Variants in UNC13C observed in about 807,000 individuals in gnomAD.
The protein encoded by UNC13C is protein unc-13 homolog C.
In UNC13C, 174 loss-of-function variants were observed where a neutral mutation model predicts 245.4. The observed-to-expected ratio is 0.71, with a 90% CI of 0.63 to 0.80. The LOEUF (loss-of-function observed/expected upper bound fraction) is 0.80. UNC13C is among the 30% of genes least tolerant of loss of function. The probability of loss-of-function intolerance (pLI) is 0.00; values close to 1 mark genes in which losing one functional copy is unlikely to be tolerated. For missense variants in UNC13C, 2,829 were observed against 2,602.9 expected, an observed-to-expected ratio of 1.09 and a Z score of -1.89; for synonymous variants, 992 against 895.1, an observed-to-expected ratio of 1.11 and a Z score of -1.93.
chr15:54,334,535 T>A (rs1019477785), intron 16 of UNC13C, among the ~76,000 whole-genome samples: 4 of 151,970 alleles, frequency 2.6e-5, no homozygotes, highest in Admixed American at 2.6e-4. Flanking sequence ...ATAGCAACAA[T>A]TTTTTTCTTT....
In UNC13C at chr15:54,239,783, G is replaced by A. The variant is rs750365208; in HGVS notation, c.3228+2093G>A. 2.0e-4 allele frequency among the ~76,000 whole-genome samples: 30 copies of A among 152,142 alleles called. 1 individual carries two copies. Among genetic ancestry groups the A allele is most frequent in the Admixed American group, 1.2e-3 (18 of 15,266 alleles). The stretch of plus-strand genomic sequence containing the variant: ...TATTCTTATCTGTTAGATTTATGAT[G>A]CCATGTAATATTTTGAGTATAGTTT... On this transcript the variant is annotated intron_variant, in intron 7 of 32. Transcript: ENST00000260323.
At chr15:53,930,909 A>T in the UNC13C span, among the ~76,000 whole-genome samples, 1 of 152,190 alleles carries the variant, frequency 6.6e-6, no homozygotes, top group Non-Finnish European at 1.5e-5. Context: ...TTACACTCAA[A>T]TGAAGTTATT....
chr15:53,920,341 G>A, the UNC13C span, among the ~76,000 whole-genome samples: 1 of 152,188 alleles, frequency 6.6e-6, no homozygotes, highest in African/African-American at 2.4e-5. Flanking sequence ...TGGGAGGCTG[G>A]TCAGGAGTTC....
At chr15:54,056,799 C>T (rs1303327016) in intron 2 of UNC13C, among the ~76,000 whole-genome samples, 1 of 152,094 alleles carries the variant, frequency 6.6e-6, no homozygotes, top group Non-Finnish European at 1.5e-5. Flanking sequence ...GAGTGGGGCC[C>T]AATATTAAAC....
intron 17 of UNC13C, among the ~76,000 whole-genome samples, chr15:54,376,606 A>G (rs2039612793): frequency 6.6e-6 from 1 of 152,196 alleles, no homozygotes; most frequent in Non-Finnish European, 1.5e-5. Context: ...GCAGGGCCTA[A>G]GAGAAAGACT....
intron 22 of UNC13C, among the ~76,000 whole-genome samples, chr15:54,502,491 G>A (rs1041364818): frequency 1.3e-5 from 2 of 152,076 alleles, no homozygotes; most frequent in Non-Finnish European, 2.9e-5. Context: ...TCTTAGAGAT[G>A]ACTTTCTGAG....
At chr15:54,226,461 G>A (rs564098969) in intron 4 of UNC13C, among the ~76,000 whole-genome samples, 3 of 152,074 alleles carry the variant, frequency 2.0e-5, no homozygotes, top group Non-Finnish European at 4.4e-5. Flanking sequence ...AGTGTCACAG[G>A]GTCCTTGGAG....
intron 2 of UNC13C, among the ~76,000 whole-genome samples, chr15:54,113,287 G>A (rs760993754): frequency 6.6e-6 from 1 of 152,144 alleles, no homozygotes; most frequent in South Asian, 2.1e-4. Context: ...TAGCTTTATG[G>A]CATTCATGAT....
intron 28 of UNC13C, among the ~76,000 whole-genome samples, chr15:54,552,614 AATTAT>A (rs1168623331): frequency 1.2e-5 from 1 of 82,572 alleles, no homozygotes; most frequent in East Asian, 3.6e-4. Context: ...ATAATTATAT[AATTAT>A]ATTATATATT....
chr15:53,982,587 T>G (rs1352917404), intron 1 of UNC13C, among the ~76,000 whole-genome samples: 1 of 152,110 alleles, frequency 6.6e-6, no homozygotes, highest in Non-Finnish European at 1.5e-5. Context: ...AAAGTCTAAA[T>G]AGTTGCTTTA....
At chr15:54,529,360 G>A (rs1895631020) in intron 25 of UNC13C, among the ~76,000 whole-genome samples, 1 of 152,068 alleles carries the variant, frequency 6.6e-6, no homozygotes, top group Admixed American at 6.6e-5. Flanking sequence ...TCCATATTAA[G>A]CATGGAAATA....
chr15:54,188,290 T>C (rs189345134), intron 4 of UNC13C, among the ~76,000 whole-genome samples: 27 of 152,326 alleles, frequency 1.8e-4, no homozygotes, highest in African/African-American at 5.5e-4. Flanking sequence ...ACTGACCTTG[T>C]TTTGGATAAA....
intron 19 of UNC13C, among the ~76,000 whole-genome samples, chr15:54,446,480 T>C (rs1890822230): frequency 6.6e-6 from 1 of 152,208 alleles, no homozygotes; most frequent in Admixed American, 6.5e-5. Flanking sequence ...TGAACATTGG[T>C]TTCTAGTTCT....
chr15:54,534,704 A>G (rs564972725), intron 26 of UNC13C, among the ~76,000 whole-genome samples: 3 of 152,348 alleles, frequency 2.0e-5, no homozygotes, highest in Admixed American at 1.3e-4. Flanking sequence ...TACAAGGGCT[A>G]AAAGACAAAA....
At chr15:54,551,916 G>A (rs1224202786) in intron 28 of UNC13C, among the ~76,000 whole-genome samples, 2 of 151,614 alleles carry the variant, frequency 1.3e-5, no homozygotes, top group Non-Finnish European at 2.9e-5. Context: ...TTATTAGAAT[G>A]TCACTCCCAT....
intron 2 of UNC13C, among the ~76,000 whole-genome samples, chr15:54,138,699 A>G (rs964533305): frequency 2.0e-5 from 3 of 151,950 alleles, no homozygotes; most frequent in African/African-American, 4.8e-5. Flanking sequence ...TAGTATTTAA[A>G]TTGTATGTTT....
chr15:54,105,547 C>T (rs1001967794), intron 2 of UNC13C, among the ~76,000 whole-genome samples: 1 of 152,062 alleles, frequency 6.6e-6, no homozygotes, highest in Non-Finnish European at 1.5e-5. Flanking sequence ...TTGGCCAATT[C>T]GTGAAGTTTA....
chr15:54,002,519 T>C (rs1046875463), intron 1 of UNC13C, among the ~76,000 whole-genome samples: 3 of 152,106 alleles, frequency 2.0e-5, no homozygotes, highest in African/African-American at 4.8e-5. Flanking sequence ...CAAATAGGAA[T>C]ATGGCTCCTT....
At chr15:54,416,977 G>C (rs554511277) in intron 19 of UNC13C, 2 of 456,444 alleles carry the variant, frequency 4.4e-6, no homozygotes, top group East Asian at 1.4e-4. Context: ...AGCCATGGAG[G>C]GCTCAGCTAC....
Sources: allele counts gnomAD v4.1 joint callset (sites outside exome capture counted in the v4.1 genomes callset), GRCh38; gene constraint gnomAD v4.1.1; transcripts MANE v1.5; gene names NCBI Gene and HGNC (gene_info 2026-07-23, HGNC 2026-07-21).